Variants in PPP3CA observed in about 807,000 individuals in gnomAD.
The protein encoded by PPP3CA is CAM-PRP catalytic subunit.
Under a neutral mutation model 66.5 loss-of-function variants are expected in PPP3CA, and 14 were observed. The ratio of observed to expected loss-of-function variants is 0.21; its 90% CI spans 0.14 to 0.33. PPP3CA has a LOEUF of 0.33. Among genes scored for constraint, PPP3CA ranks in the 10% least tolerant of loss-of-function variants. The probability of loss-of-function intolerance (pLI) is 1.00; values close to 1 mark genes in which losing one functional copy is unlikely to be tolerated. For synonymous variants in PPP3CA, 232 were observed against 226.2 expected, an observed-to-expected ratio of 1.03 and a Z score of -0.23; for missense variants, 317 against 639.5, an observed-to-expected ratio of 0.50 and a Z score of 5.44.
intron 11 of PPP3CA, among the ~76,000 whole-genome samples, chr4:101,035,870 C>T (rs1465914616): frequency 6.6e-6 from 1 of 152,164 alleles, no homozygotes; most frequent in Non-Finnish European, 1.5e-5. Context: ...CTGAAAGACT[C>T]TTTGCCCTAG....
intron 1 of PPP3CA, among the ~76,000 whole-genome samples, chr4:101,320,470 A>G (rs562765880): frequency 8.3e-4 from 109 of 130,906 alleles, no homozygotes; most frequent in African/African-American, 2.6e-3. Context: ...GTATGTATGT[A>G]TGTATGTGTG....
chr4:101,330,844 A>G (rs1454189158), intron 1 of PPP3CA, among the ~76,000 whole-genome samples: 1 of 152,122 alleles, frequency 6.6e-6, no homozygotes, highest in Non-Finnish European at 1.5e-5. Flanking sequence ...TGACTTTTTT[A>G]TGGATCTCAT....
At chr4:101,239,373 G>T (rs988831711) in intron 1 of PPP3CA, among the ~76,000 whole-genome samples, 1 of 152,002 alleles carries the variant, frequency 6.6e-6, no homozygotes, top group Non-Finnish European at 1.5e-5. Flanking sequence ...TCTCAAAATC[G>T]AATTGTCTAA....
intron 2 of PPP3CA, among the ~76,000 whole-genome samples, chr4:101,167,494 C>A (rs1319589916): frequency 1.3e-5 from 2 of 151,770 alleles, no homozygotes; most frequent in African/African-American, 2.4e-5. Context: ...GGGAATAGGG[C>A]AATGAAAAAA....
chr4:101,162,314 C>T (rs1006890905), intron 2 of PPP3CA, among the ~76,000 whole-genome samples: 1 of 150,704 alleles, frequency 6.6e-6, no homozygotes, highest in East Asian at 2.0e-4. Flanking sequence ...GGGTGGATCA[C>T]GAGGTCAGGA....
At chr4:101,239,789 G>A (rs1487440134) in intron 1 of PPP3CA, among the ~76,000 whole-genome samples, 9 of 151,930 alleles carry the variant, frequency 5.9e-5, no homozygotes. Flanking sequence ...GGCTAAAACT[G>A]CCTCATCAAA....
chr4:101,177,367 C>T (rs1188204684), intron 2 of PPP3CA, among the ~76,000 whole-genome samples: 3 of 152,084 alleles, frequency 2.0e-5, no homozygotes, highest in Non-Finnish European at 4.4e-5. Flanking sequence ...CCTAGAATAA[C>T]CTCTTCATGA....
intron 2 of PPP3CA, among the ~76,000 whole-genome samples, chr4:101,133,475 T>A (rs531214340): frequency 1.6e-4 from 24 of 152,188 alleles, no homozygotes; most frequent in African/African-American, 5.5e-4. Flanking sequence ...AAATAAATCA[T>A]GAGCAAACTC....
chr4:101,285,227 G>A (rs936325332), intron 1 of PPP3CA, among the ~76,000 whole-genome samples: 1 of 151,740 alleles, frequency 6.6e-6, no homozygotes, highest in East Asian at 1.9e-4. Context: ...TATTAATTTT[G>A]ACATAAAGGA....
intron 6 of PPP3CA, among the ~76,000 whole-genome samples, chr4:101,091,798 C>T (rs935045618): frequency 2.7e-5 from 4 of 149,006 alleles, no homozygotes; most frequent in Non-Finnish European, 5.9e-5. Flanking sequence ...CTTCAGGGAA[C>T]ATCAGGTTAA....
At chr4:101,151,186 T>A (rs1723124938) in intron 2 of PPP3CA, among the ~76,000 whole-genome samples, 1 of 152,320 alleles carries the variant, frequency 6.6e-6, no homozygotes, top group Non-Finnish European at 1.5e-5. Context: ...AAGATTTGAA[T>A]ATAATGGTTG....
intron 2 of PPP3CA, among the ~76,000 whole-genome samples, chr4:101,110,819 C>T (rs1030405626): frequency 6.6e-6 from 1 of 152,118 alleles, no homozygotes; most frequent in Admixed American, 6.6e-5. Flanking sequence ...ATGGGATGGT[C>T]CAAGCATTGC....
At position 101,174,947 on chromosome 4, in the gene PPP3CA, G is replaced by A. The variant is rs143536773; in HGVS notation, c.259+20969C>T. Among the ~76,000 whole-genome samples the A allele has an allele frequency of 2.9e-3, 437 of 152,262 alleles. 7 individuals are homozygous for A. Among genetic ancestry groups the A allele is most frequent in the African/African-American group, 9.5e-3 (397 of 41,572 alleles). ...AGGTGACAGAGCTGGGTTGAATCCAGGCACTATGGCTATAAAGGGGTGTAC... is the reference window on the plus strand; with the variant it reads ...AGGTGACAGAGCTGGGTTGAATCCAAGCACTATGGCTATAAAGGGGTGTAC... On this transcript the variant is annotated intron_variant, in intron 2 of 13. Transcript: ENST00000394854.
chr4:101,280,096 A>T (rs969520495), intron 1 of PPP3CA, among the ~76,000 whole-genome samples: 1 of 152,226 alleles, frequency 6.6e-6, no homozygotes, highest in African/African-American at 2.4e-5. Context: ...ATGGGAACAC[A>T]TTAGCGAATA....
chr4:101,339,081 G>A (rs1277486808), intron 1 of PPP3CA, among the ~76,000 whole-genome samples: 1 of 152,198 alleles, frequency 6.6e-6, no homozygotes, highest in Non-Finnish European at 1.5e-5. Context: ...CATAGCCCAT[G>A]TATCTTTCCA....
intron 1 of PPP3CA, among the ~76,000 whole-genome samples, chr4:101,307,371 G>C (rs534951412): frequency 6.6e-6 from 1 of 152,202 alleles, no homozygotes; most frequent in South Asian, 2.1e-4. Context: ...TCAAGTATTT[G>C]GGAGCTTTTA....
intron 1 of PPP3CA, among the ~76,000 whole-genome samples, chr4:101,273,946 AC>A (rs1250343716): frequency 1.3e-5 from 2 of 152,044 alleles, no homozygotes; most frequent in African/African-American, 4.8e-5. Context: ...TAAAAAAAAA[AC>A]TAACAGCTGA....
intron 2 of PPP3CA, among the ~76,000 whole-genome samples, chr4:101,194,694 G>C (rs548260771): frequency 5.9e-4 from 89 of 152,134 alleles, no homozygotes; most frequent in African/African-American, 2.1e-3. Flanking sequence ...AGCCATCGAA[G>C]TAGCTGGGAT....
At chr4:101,137,056 A>T (rs111960121) in intron 2 of PPP3CA, among the ~76,000 whole-genome samples, 12 of 152,284 alleles carry the variant, frequency 7.9e-5, no homozygotes, top group East Asian at 3.9e-4. Context: ...CTAAAATATT[A>T]AAAAAGTGCA....
Sources: allele counts gnomAD v4.1 joint callset (sites outside exome capture counted in the v4.1 genomes callset), GRCh38; gene constraint gnomAD v4.1.1; transcripts MANE v1.5; gene names NCBI Gene and HGNC (gene_info 2026-07-23, HGNC 2026-07-21).